The following CDCA7L variants were observed in gnomAD, a reference collection of about 807,000 sequenced individuals.
The protein encoded by CDCA7L is cell division cycle associated 7 like.
CDCA7L carries 44 observed loss-of-function variants against 57.4 expected under a neutral mutation model. That is an observed-to-expected ratio of 0.77 (90% CI 0.60 to 0.98). The LOEUF (loss-of-function observed/expected upper bound fraction) is 0.98, where lower values mean the gene tolerates loss of function less well. Among genes scored for constraint, CDCA7L ranks in the 50% least tolerant of loss-of-function variants. The pLI is 0.00. For synonymous variants in CDCA7L, 236 were observed against 202.8 expected (o/e 1.16, Z -1.39); for missense variants, 644 against 580.6 (o/e 1.11, Z -1.12).
chr7:21,912,474 C>A (rs541194163), intron 2 of CDCA7L, among the ~76,000 whole-genome samples: 1 of 152,170 alleles, frequency 6.6e-6, no homozygotes, highest in African/African-American at 2.4e-5. Context: ...CAACCAGACA[C>A]GTCTGCTTTC....
At chr7:21,942,992 A>G (rs1786388963) in intron 1 of CDCA7L, among the ~76,000 whole-genome samples, 1 of 152,114 alleles carries the variant, frequency 6.6e-6, no homozygotes. Context: ...TTCCTTCTCA[A>G]ATGGGCCATC....
At chr7:21,909,026 G>A (rs887343976) in intron 3 of CDCA7L, among the ~76,000 whole-genome samples, 8 of 152,160 alleles carry the variant, frequency 5.3e-5, no homozygotes, top group Admixed American at 1.3e-4. Context: ...CTGCCACTGC[G>A]TCCTCAGTCA....
intron 1 of CDCA7L, among the ~76,000 whole-genome samples, chr7:21,933,194 CT>C (rs1234411186): frequency 6.6e-6 from 1 of 152,182 alleles, no homozygotes; most frequent in Non-Finnish European, 1.5e-5. Flanking sequence ...TGCTTTTACA[CT>C]GTTGGTGGGA....
At chr7:21,902,401 T>G (rs756980550) in intron 9 of CDCA7L, 49 bp from the exon 10 acceptor site, 14 of 1,555,276 alleles carry the variant, frequency 9.0e-6, no homozygotes, top group Middle Eastern at 1.7e-4. Context: ...AATACACAAA[T>G]GGCATTCTAG....
intron 2 of CDCA7L, among the ~76,000 whole-genome samples, chr7:21,915,803 G>C (rs1468901286): frequency 1.3e-5 from 2 of 152,088 alleles, no homozygotes; most frequent in Admixed American, 6.6e-5. Flanking sequence ...ACTCCAGCCT[G>C]GGTGACACAA....
intron 6 of CDCA7L, among the ~76,000 whole-genome samples, 154 bp downstream of exon 6, chr7:21,906,135 A>T (rs1785130354): frequency 6.6e-6 from 1 of 151,272 alleles, no homozygotes; most frequent in African/African-American, 2.4e-5. Flanking sequence ...CTCAGGAGCA[A>T]TGGCATCACC....
chr7:21,909,227 A>C (rs1272696415), intron 3 of CDCA7L, among the ~76,000 whole-genome samples: 1 of 152,212 alleles, frequency 6.6e-6, no homozygotes, highest in African/African-American at 2.4e-5. Flanking sequence ...CACAGTAAAT[A>C]TGGAAGGCAG....
rs867672835 is a variant in CDCA7L at position 21,902,517 on chromosome 7, G to A, written c.1335-165C>T. The stretch of plus-strand genomic sequence containing the variant: ...CATCAATATCCGTATACCCTCTGGT[G>A]TAGTACGCCCCAAGCATGACTTGCC... On this transcript the variant is annotated intron_variant, in intron 9 of 9. Transcript: ENST00000406877. The A allele has an allele frequency of 1.0e-4, 69 of 669,234 alleles. 2 individuals carry two copies. The highest frequency in any genetic ancestry group is 8.0e-4 in the South Asian group (45 of 56,128). The allele number at this position is 669,234 out of a possible 1,614,324, so 41.5% of individuals were successfully genotyped here. A position where few individuals can be genotyped will look rare whatever the true frequency, so the allele number is the denominator to read the frequency against.
intron 1 of CDCA7L, among the ~76,000 whole-genome samples, chr7:21,942,922 A>C (rs1340241440): frequency 6.6e-6 from 1 of 152,194 alleles, no homozygotes; most frequent in Non-Finnish European, 1.5e-5. Context: ...TACCAGAAAA[A>C]TACCCCTTTA....
intron 3 of CDCA7L, 152 bp downstream of exon 3, chr7:21,911,465 G>A: frequency 1.2e-6 from 1 of 860,624 alleles, no homozygotes; most frequent in Non-Finnish European, 1.7e-6. Flanking sequence ...TAGCCTTCCA[G>A]GAGCAATTTT....
At chr7:21,924,126 CAAT>C (rs1209977327) in intron 1 of CDCA7L, among the ~76,000 whole-genome samples, 1 of 152,134 alleles carries the variant, frequency 6.6e-6, no homozygotes, top group Non-Finnish European at 1.5e-5. Context: ...TTCCATAACT[CAAT>C]GATATCTAAA....
Position 21,901,767 on chromosome 7 carries a change from C to CA in CDCA7L, c.*554dup, listed in dbSNP as rs1784877642. On this transcript the variant is annotated 3_prime_UTR_variant, in exon 10 of 10. Transcript: ENST00000406877. ...AGCACTCTGTAAGGCCTCCAGTGTC[C>CA]AGTGTCTACAATGTTGATGGTCCCC... 1 of 129,492 alleles carries CA rather than the reference C, an allele frequency of 7.7e-6. No individual in the cohort carries two copies. The highest frequency in any genetic ancestry group is 1.8e-5 in the Non-Finnish European group (1 of 56,946). The allele number at this position is 129,492 out of a possible 1,614,324, so 8.0% of individuals were successfully genotyped here. A position where few individuals can be genotyped will look rare whatever the true frequency, so the allele number is the denominator to read the frequency against.
At chr7:21,920,547 C>T (rs1368100426) in intron 1 of CDCA7L, among the ~76,000 whole-genome samples, 2 of 152,202 alleles carry the variant, frequency 1.3e-5, no homozygotes, top group Non-Finnish European at 2.9e-5. Flanking sequence ...CACTTTCCCA[C>T]CATCTAATAA....
At chr7:21,916,919 G>A in intron 1 of CDCA7L, 25 bp from the exon 2 acceptor site, 2 of 1,613,508 alleles carry the variant, frequency 1.2e-6, no homozygotes, top group Non-Finnish European at 1.7e-6. Context: ...AAAGAGGCAG[G>A]ATTAAACCAG....
At chr7:21,907,549 C>A (rs1352966689) in intron 4 of CDCA7L, among the ~76,000 whole-genome samples, 1 of 152,152 alleles carries the variant, frequency 6.6e-6, no homozygotes, top group African/African-American at 2.4e-5. Flanking sequence ...TGATTATATA[C>A]AGAAAAACCA....
intron 1 of CDCA7L, among the ~76,000 whole-genome samples, chr7:21,937,586 C>T (rs1583878454): frequency 1.3e-5 from 2 of 151,022 alleles, no homozygotes; most frequent in South Asian, 2.1e-4. Context: ...TACAGTGAGC[C>T]GAGATTGCAC....
At chr7:21,916,582 G>A (rs1785488865) in intron 2 of CDCA7L, among the ~76,000 whole-genome samples, 172 bp downstream of exon 2, 1 of 150,688 alleles carries the variant, frequency 6.6e-6, no homozygotes, top group African/African-American at 2.4e-5. Flanking sequence ...AGTGAACGAG[G>A]TTCTCTCACC....
intron 1 of CDCA7L, among the ~76,000 whole-genome samples, chr7:21,920,224 G>A (rs970760415): frequency 1.3e-5 from 2 of 152,044 alleles, no homozygotes; most frequent in Non-Finnish European, 2.9e-5. Flanking sequence ...CATTACATTC[G>A]CCCTCATGGA....
chr7:21,936,958 TGCA>T (rs1256730115), intron 1 of CDCA7L, among the ~76,000 whole-genome samples: 1 of 152,134 alleles, frequency 6.6e-6, no homozygotes, highest in East Asian at 1.9e-4. Flanking sequence ...AATTAGACAT[TGCA>T]GGACACAAAA....
Sources: allele counts gnomAD v4.1 joint callset (sites outside exome capture counted in the v4.1 genomes callset), GRCh38; gene constraint gnomAD v4.1.1; transcripts MANE v1.5; gene names NCBI Gene and HGNC (gene_info 2026-07-23, HGNC 2026-07-21).